The following TXNDC16 variants were observed in gnomAD, a reference collection of about 807,000 sequenced individuals.
TXNDC16 encodes thioredoxin domain-containing protein 16.
Under a neutral mutation model 85.6 loss-of-function variants are expected in TXNDC16, and 74 were observed. The observed-to-expected ratio is 0.86, with a 90% CI of 0.72 to 1.05. TXNDC16 has a LOEUF of 1.05. TXNDC16 is among the 50% of genes least tolerant of loss of function. TXNDC16 has a pLI of 0.00. For missense variants in TXNDC16, 959 were observed against 947.0 expected (o/e 1.01, Z -0.17); for synonymous variants, 335 against 326.5 (o/e 1.03, Z -0.28).
rs927500929 is a variant in TXNDC16 at position 52,439,411 on chromosome 14, T to C, written c.2004-17A>G. 6.9e-6 allele frequency: 11 copies of C among 1,592,942 alleles called. No homozygotes were observed. The African/African-American group carries it at 9.5e-5, about 14-fold the overall frequency. On this transcript the variant is annotated splice_polypyrimidine_tract_variant and intron_variant, in intron 19 of 20. Transcript: ENST00000281741. ...GTATTCTTTCTGCAAAAGGGAACAA[T>C]TGAACATATTAATATTTCTTTCTAC...
rs771223172 is a variant in TXNDC16 at position 52,470,547 on chromosome 14, C to T, written c.1446G>A (p.Met482Ile). The T allele has an allele frequency of 6.2e-7, 1 of 1,613,446 alleles. No individual in the cohort carries two copies. The highest frequency in any genetic ancestry group is 8.5e-7 in the Non-Finnish European group (1 of 1,179,768). ...KGENPVSYAG[M>I]LGTEDLLKFI... ...ATTTTAGGAGATCTTCGGTTCCTAA[C>T]ATTCCAGCATAAGATACTGGGTTCT... The change falls in exon 15 of 21, where the codon ATG becomes ATA. Residue 482 changes from methionine (M) to isoleucine (I), a missense_variant. Physicochemically the swap from Met to Ile is conservative, Grantham distance 10. Transcript: ENST00000281741.
chr14:52,452,554 A>G (rs1347784263), intron 18 of TXNDC16, among the ~76,000 whole-genome samples: 1 of 152,220 alleles, frequency 6.6e-6, no homozygotes, highest in African/African-American at 2.4e-5. Context: ...TTCGTTTTCG[A>G]CAAAGGTTCC....
At chr14:52,439,735 C>T (rs150958146) in intron 19 of TXNDC16, among the ~76,000 whole-genome samples, 1 of 152,222 alleles carries the variant, frequency 6.6e-6, no homozygotes, top group East Asian at 1.9e-4. Context: ...CATACATCAG[C>T]TCAAAAATTA....
chr14:52,457,298 A>G (rs1480011426), intron 16 of TXNDC16, 124 bp from the exon 17 acceptor site: 2 of 526,192 alleles, frequency 3.8e-6, no homozygotes, highest in Non-Finnish European at 6.5e-6. Flanking sequence ...ATTTAAGTGC[A>G]GATGTCTTAT....
chr14:52,499,580 C>A (rs538248332), intron 9 of TXNDC16, among the ~76,000 whole-genome samples: 1 of 147,666 alleles, frequency 6.8e-6, no homozygotes. Context: ...CATGAGGTAT[C>A]ATCTCATATC....
At chr14:52,513,025 A>G (rs1288655288) in intron 8 of TXNDC16, among the ~76,000 whole-genome samples, 1 of 152,120 alleles carries the variant, frequency 6.6e-6, no homozygotes, top group African/African-American at 2.4e-5. Context: ...CTCTGATTTA[A>G]TGGATTGTGA....
chr14:52,530,083 T>C (rs182532266), intron 6 of TXNDC16, among the ~76,000 whole-genome samples: 1,827 of 89,142 alleles, frequency 0.02, 35 homozygotes, highest in Middle Eastern at 0.043. Context: ...ATATTTATAT[T>C]ATGCATTTAT....
At chr14:52,537,892 A>G (rs2037739967) in intron 4 of TXNDC16, among the ~76,000 whole-genome samples, 1 of 152,230 alleles carries the variant, frequency 6.6e-6, no homozygotes, top group Non-Finnish European at 1.5e-5. Context: ...TGGAACCAGT[A>G]TGTGGTAACC....
chr14:52,547,970 G>A (rs969477779), intron 1 of TXNDC16, among the ~76,000 whole-genome samples: 4 of 152,198 alleles, frequency 2.6e-5, no homozygotes, highest in African/African-American at 9.7e-5. Context: ...CCATGACTTG[G>A]CCAATGAAAT....
chr14:52,458,171 T>G (rs2035575605), intron 16 of TXNDC16, among the ~76,000 whole-genome samples: 1 of 152,214 alleles, frequency 6.6e-6, no homozygotes, highest in African/African-American at 2.4e-5. Flanking sequence ...GGTACATACT[T>G]TCCCTAAGAT....
chr14:52,432,316 T>G lies in TXNDC16; in HGVS notation c.2466A>C (p.Ser822=). The change falls in exon 21 of 21, where the codon TCA becomes TCC. Residue 822 remains serine (S), a synonymous_variant. Coordinates refer to ENST00000281741, the MANE Select transcript of TXNDC16 (RefSeq NM_020784.3). ...CAGCCCTATAAAATTAGTTCACTTTTGAGCATCCTAACTCTTTATCACGTC... is the reference window on the plus strand; with the variant it reads ...CAGCCCTATAAAATTAGTTCACTTTGGAGCATCCTAACTCTTTATCACGTC... ...SFRRDKELGC[S]KVN is the part of the protein sequence containing the mutation. The G allele has an allele frequency of 6.2e-7, 1 of 1,605,724 alleles. No individual in the cohort carries two copies. The highest frequency in any genetic ancestry group is 8.5e-7 in the Non-Finnish European group (1 of 1,175,784).
rs542709963 is a variant in TXNDC16, at chr14:52,435,978, C to CA, written c.2194+3225dup. Among the ~76,000 whole-genome samples, 51 of 150,448 alleles carry CA rather than the reference C, an allele frequency of 3.4e-4. No individual in the cohort carries two copies. The East Asian group carries it at 5.8e-3, about 17-fold the overall frequency. On this transcript the variant is annotated intron_variant, in intron 20 of 20. Coordinates refer to ENST00000281741, the MANE Select transcript of TXNDC16 (RefSeq NM_020784.3). ...TTGGTGACAGAGTGAGACCCTGTCT[C>CA]AAAAAAAATAACAAAATGAAATAAA...
intron 6 of TXNDC16, among the ~76,000 whole-genome samples, chr14:52,521,704 A>G (rs1259513870): frequency 1.3e-5 from 2 of 152,210 alleles, no homozygotes; most frequent in Non-Finnish European, 2.9e-5. Flanking sequence ...GAAATGTAAA[A>G]CTTGATCTTC....
chr14:52,452,225 G>A (rs960700115), intron 18 of TXNDC16, among the ~76,000 whole-genome samples: 3 of 152,134 alleles, frequency 2.0e-5, no homozygotes, highest in Non-Finnish European at 2.9e-5. Context: ...TGGACTGGAA[G>A]AATCACTGTT....
chr14:52,430,822 T>C lies in TXNDC16; in HGVS notation c.*1482A>G, dbSNP rs1366314311. On this transcript the variant is annotated 3_prime_UTR_variant, in exon 21 of 21. Transcript: ENST00000281741. The stretch of plus-strand genomic sequence containing the variant: ...TAAAAGCAAATGAAAATGAGTTTAA[T>C]CAGGCATCACATGCTACAGGAAAAA... 1 of 152,138 alleles carries C rather than the reference T, an allele frequency of 6.6e-6. No homozygotes were observed. The highest frequency in any genetic ancestry group is 2.4e-5 in the African/African-American group (1 of 41,428). The allele number at this position is 152,138 out of a possible 1,614,324, so 9.4% of individuals were successfully genotyped here. A position where few individuals can be genotyped will look rare whatever the true frequency, so the allele number is the denominator to read the frequency against.
chr14:52,466,694 G>A (rs568736322), intron 16 of TXNDC16, among the ~76,000 whole-genome samples: 9 of 151,816 alleles, frequency 5.9e-5, no homozygotes, highest in East Asian at 2.0e-4. Flanking sequence ...TTAAAACCCC[G>A]TCTCTATTAA....
At chr14:52,527,184 T>C (rs1366096797) in intron 6 of TXNDC16, among the ~76,000 whole-genome samples, 3 of 152,154 alleles carry the variant, frequency 2.0e-5, no homozygotes, top group African/African-American at 2.4e-5. Context: ...GAACCCCAAT[T>C]TATAGCTGTT....
intron 18 of TXNDC16, among the ~76,000 whole-genome samples, chr14:52,442,161 A>T (rs2035181208): frequency 6.6e-6 from 1 of 152,248 alleles, no homozygotes; most frequent in Non-Finnish European, 1.5e-5. Context: ...AAAGTGCAAC[A>T]ACAATGCTAA....
intron 9 of TXNDC16, among the ~76,000 whole-genome samples, chr14:52,494,250 CCT>C (rs1566559398): frequency 6.6e-6 from 1 of 152,116 alleles, no homozygotes; most frequent in Non-Finnish European, 1.5e-5. Context: ...AATCCCCTCC[CCT>C]GAGTGTCAGT....
Sources: allele counts gnomAD v4.1 joint callset (sites outside exome capture counted in the v4.1 genomes callset), GRCh38; gene constraint gnomAD v4.1.1; transcripts MANE v1.5; gene names NCBI Gene and HGNC (gene_info 2026-07-23, HGNC 2026-07-21).